The following CUEDC1 variants were observed in gnomAD, a reference collection of about 807,000 sequenced individuals.
CUEDC1 encodes CUE domain containing 1.
In CUEDC1, 30 loss-of-function variants were observed where a neutral mutation model predicts 43.7. The ratio of observed to expected loss-of-function variants is 0.69; its 90% CI spans 0.51 to 0.93. The LOEUF is 0.93. CUEDC1 is among the 40% of genes least tolerant of loss of function. The pLI, the probability that CUEDC1 is intolerant of heterozygous loss-of-function variation, is 0.00. For missense variants in CUEDC1, 486 were observed against 549.0 expected, an observed-to-expected ratio of 0.89 and a Z score of 1.15; for synonymous variants, 223 against 223.6, an observed-to-expected ratio of 1.00 and a Z score of 0.02.
At chr17:57,950,619 CCCA>C (rs2074998073) in intron 1 of CUEDC1, among the ~76,000 whole-genome samples, 1 of 151,988 alleles carries the variant, frequency 6.6e-6, no homozygotes, top group Admixed American at 6.6e-5. Context: ...ATTACAGGCG[CCCA>C]CCACCATGCC....
intron 1 of CUEDC1, among the ~76,000 whole-genome samples, chr17:57,922,043 G>A (rs1315294212): frequency 6.6e-6 from 1 of 152,126 alleles, no homozygotes; most frequent in Non-Finnish European, 1.5e-5. Context: ...AACCCAGGAG[G>A]TGGAGGTTGC....
chr17:57,908,794 G>A (rs981705083), intron 1 of CUEDC1, among the ~76,000 whole-genome samples: 7 of 152,082 alleles, frequency 4.6e-5, no homozygotes, highest in African/African-American at 1.4e-4. Context: ...TCAGGAGATC[G>A]AGACCATCCT....
intron 9 of CUEDC1, 59 bp from the exon 10 acceptor site, chr17:57,866,603 G>T: frequency 1.3e-6 from 2 of 1,567,070 alleles, no homozygotes; most frequent in East Asian, 4.5e-5. Context: ...CTCAGGCACG[G>T]CCCCTAGACT....
At chr17:57,915,457 G>A (rs58361731) in intron 1 of CUEDC1, among the ~76,000 whole-genome samples, 1,904 of 152,114 alleles carry the variant, frequency 0.013, 28 homozygotes, top group African/African-American at 0.043. Context: ...TAGGCATAGC[G>A]TTCAGATATT....
intron 1 of CUEDC1, among the ~76,000 whole-genome samples, chr17:57,906,167 G>A (rs1031569854): frequency 4.6e-5 from 7 of 152,144 alleles, no homozygotes; most frequent in Non-Finnish European, 7.3e-5. Flanking sequence ...TCATAGTGGT[G>A]TTATTCACAA....
At chr17:57,908,425 G>A (rs1213479616) in intron 1 of CUEDC1, among the ~76,000 whole-genome samples, 1 of 152,200 alleles carries the variant, frequency 6.6e-6, no homozygotes, top group Admixed American at 6.5e-5. Flanking sequence ...CCCACATGCT[G>A]AGAACTGTGA....
chr17:57,868,673 C>A (rs911008670), intron 7 of CUEDC1, among the ~76,000 whole-genome samples: 1 of 152,114 alleles, frequency 6.6e-6, no homozygotes, highest in African/African-American at 2.4e-5. Flanking sequence ...CTGAAAGGAT[C>A]GCAGCCTCAT....
chr17:57,905,278 A>ACACACACACACACT (rs2074518852), intron 1 of CUEDC1, among the ~76,000 whole-genome samples: 1 of 113,672 alleles, frequency 8.8e-6, no homozygotes, highest in African/African-American at 3.6e-5. Context: ...ACACACACAC[A>ACACACACACACACT]CACACACACA....
intron 1 of CUEDC1, among the ~76,000 whole-genome samples, chr17:57,938,645 T>G (rs1468100304): frequency 6.6e-6 from 1 of 151,782 alleles, no homozygotes; most frequent in African/African-American, 2.4e-5. Flanking sequence ...TTTTTAAATT[T>G]TATTTATTTA....
At chr17:57,870,853 CT>C (rs1212105185) in intron 6 of CUEDC1, among the ~76,000 whole-genome samples, 4 of 151,960 alleles carry the variant, frequency 2.6e-5, no homozygotes, top group Non-Finnish European at 5.9e-5. Flanking sequence ...ATTTTTAGTA[CT>C]TTTTTGGTAG....
At chr17:57,940,898 C>T (rs528534015) in intron 1 of CUEDC1, among the ~76,000 whole-genome samples, 6 of 152,358 alleles carry the variant, frequency 3.9e-5, no homozygotes, top group African/African-American at 1.4e-4. Context: ...AGAACTCCCA[C>T]GCAGCCCCTG....
At chr17:57,864,097 G>A (rs1213173414) in intron 10 of CUEDC1, among the ~76,000 whole-genome samples, 1 of 152,078 alleles carries the variant, frequency 6.6e-6, no homozygotes, top group Admixed American at 6.6e-5. Context: ...TTGGTGGTGG[G>A]ATAATCAGAG....
chr17:57,918,984 G>A (rs1001961367), intron 1 of CUEDC1, among the ~76,000 whole-genome samples: 1 of 151,988 alleles, frequency 6.6e-6, no homozygotes, highest in Non-Finnish European at 1.5e-5. Flanking sequence ...CTCCCCAGTA[G>A]CTGGGATTAC....
At chr17:57,937,902 G>A (rs1478809991) in intron 1 of CUEDC1, among the ~76,000 whole-genome samples, 2 of 152,070 alleles carry the variant, frequency 1.3e-5, no homozygotes, top group Non-Finnish European at 2.9e-5. Context: ...GAGAGACCTA[G>A]TCTCAAGAAA....
intron 1 of CUEDC1, among the ~76,000 whole-genome samples, chr17:57,893,300 G>T (rs1199326053): frequency 6.7e-6 from 1 of 149,284 alleles, no homozygotes; most frequent in Non-Finnish European, 1.5e-5. Flanking sequence ...GCCCCAAAAG[G>T]GGGTGAAAGG....
chr17:57,896,513 T>G (rs2074412160), intron 1 of CUEDC1, among the ~76,000 whole-genome samples: 1 of 150,312 alleles, frequency 6.7e-6, no homozygotes, highest in African/African-American at 2.5e-5. Context: ...TGTGTGTGTG[T>G]GTGTGTGTGT....
At chr17:57,906,533 A>G (rs1053277858) in intron 1 of CUEDC1, among the ~76,000 whole-genome samples, 1 of 152,242 alleles carries the variant, frequency 6.6e-6, no homozygotes, top group African/African-American at 2.4e-5. Flanking sequence ...CTGGAAATGG[A>G]TAGTGGTGAT....
chr17:57,870,453 G>C (rs933710996), intron 6 of CUEDC1, among the ~76,000 whole-genome samples: 2 of 152,250 alleles, frequency 1.3e-5, no homozygotes, highest in Admixed American at 6.5e-5. Flanking sequence ...ACAGATGGCA[G>C]ATATTCTCCA....
At chr17:57,910,001 T>G (rs2074567153) in intron 1 of CUEDC1, among the ~76,000 whole-genome samples, 1 of 152,212 alleles carries the variant, frequency 6.6e-6, no homozygotes, top group Non-Finnish European at 1.5e-5. Flanking sequence ...TTGTTTTGTT[T>G]TAGAGATGGG....
Sources: allele counts gnomAD v4.1 joint callset (sites outside exome capture counted in the v4.1 genomes callset), GRCh38; gene constraint gnomAD v4.1.1; transcripts MANE v1.5; gene names NCBI Gene and HGNC (gene_info 2026-07-23, HGNC 2026-07-21).